The following PID1 variants were observed in gnomAD, a reference collection of about 807,000 sequenced individuals.
PID1 encodes the protein PTB-containing, cubilin and LRP1-interacting protein.
PID1 carries 10 observed loss-of-function variants against 19.1 expected under a neutral mutation model. The ratio of observed to expected loss-of-function variants is 0.52; its 90% confidence interval spans 0.32 to 0.89. The LOEUF is 0.89. PID1 is among the 40% of genes least tolerant of loss of function. The pLI is 0.03. For missense variants in PID1, 248 were observed against 285.3 expected (o/e 0.87, Z 0.94); for synonymous variants, 130 against 116.0 (o/e 1.12, Z -0.78).
At chr2:229,221,297 C>T (rs1405299950) in intron 1 of PID1, among the ~76,000 whole-genome samples, 1 of 152,152 alleles carries the variant, frequency 6.6e-6, no homozygotes, top group African/African-American at 2.4e-5. Flanking sequence ...AGCCATGTAT[C>T]TACTGCATCA....
Position 229,169,149 on chromosome 2 carries a change from C to A in PID1, c.31-13185G>T, listed in dbSNP as rs192677303. On this transcript the variant is annotated intron_variant, in intron 1 of 2. Transcript: ENST00000392055. ...CTCCCAGTGGTTCTACACTCTCATG[C>A]TAGCCCACAATTGACTTTTAAAAAT... 3.3e-5 allele frequency among the ~76,000 whole-genome samples: 5 copies of A among 152,276 alleles called. 1 individual carries two copies. The highest frequency in any genetic ancestry group is 3.3e-4 in the Admixed American group (5 of 15,294).
intron 1 of PID1, among the ~76,000 whole-genome samples, chr2:229,176,177 A>G (rs1690819418): frequency 6.6e-6 from 1 of 152,038 alleles, no homozygotes; most frequent in African/African-American, 2.4e-5. Context: ...AAAAAACAAA[A>G]CAAAACAAAA....
chr2:229,075,371 T>C (rs1011910997), intron 2 of PID1, among the ~76,000 whole-genome samples: 1 of 152,184 alleles, frequency 6.6e-6, no homozygotes, highest in Non-Finnish European at 1.5e-5. Flanking sequence ...AATATACTGG[T>C]ATACATAATT....
chr2:229,260,463 C>CATATATAT (rs3084671), intron 1 of PID1, among the ~76,000 whole-genome samples: 2 of 147,908 alleles, frequency 1.4e-5, no homozygotes, highest in Admixed American at 6.8e-5. Flanking sequence ...TAAAAAGTTG[C>CATATATAT]ATATATATAT....
chr2:229,048,744 C>T (rs566686179), intron 2 of PID1, among the ~76,000 whole-genome samples: 2 of 152,078 alleles, frequency 1.3e-5, no homozygotes, highest in South Asian at 4.2e-4. Context: ...TTACTTTGTG[C>T]CTTGTTTTTC....
intron 1 of PID1, among the ~76,000 whole-genome samples, chr2:229,219,337 CCTT>C (rs1691914722): frequency 6.6e-6 from 1 of 152,112 alleles, no homozygotes; most frequent in Admixed American, 6.6e-5. Flanking sequence ...GCAAACATGT[CCTT>C]CTTCACATGG....
At chr2:229,238,917 C>T (rs1439772195) in intron 1 of PID1, among the ~76,000 whole-genome samples, 2 of 151,924 alleles carry the variant, frequency 1.3e-5, no homozygotes, top group Non-Finnish European at 2.9e-5. Context: ...TAGTAATGAC[C>T]TCAAGAATAT....
chr2:229,027,735 A>C (rs1280242365), intron 2 of PID1, among the ~76,000 whole-genome samples: 2 of 152,224 alleles, frequency 1.3e-5, no homozygotes, highest in Non-Finnish European at 2.9e-5. Flanking sequence ...AGTCTCAATC[A>C]GCTTGGACAA....
rs151002937 is a variant in PID1 at position 229,210,227 on chromosome 2, G to A, written c.31-54263C>T. ...AGGAGGTGACACAAAAACCTAGAAGGCAAGGCCGGGCATGGCGGCTCGCGC... is the reference window on the plus strand; with the variant it reads ...AGGAGGTGACACAAAAACCTAGAAGACAAGGCCGGGCATGGCGGCTCGCGC... On this transcript the variant is annotated intron_variant, in intron 1 of 2. Coordinates refer to ENST00000392055, the MANE Select transcript of PID1 (RefSeq NM_001100818.2). 6.7e-3 allele frequency among the ~76,000 whole-genome samples: 1,016 copies of A among 151,808 alleles called. 11 individuals carry two copies. The highest frequency in any genetic ancestry group is 0.023 in the African/African-American group (968 of 41,468).
At chr2:229,213,270 G>C (rs149498210) in intron 1 of PID1, among the ~76,000 whole-genome samples, 1 of 152,168 alleles carries the variant, frequency 6.6e-6, no homozygotes, top group East Asian at 1.9e-4. Flanking sequence ...CCAGCACACA[G>C]AGGACAGCCC....
intron 2 of PID1, among the ~76,000 whole-genome samples, chr2:229,147,877 C>T (rs1412365760): frequency 2.6e-5 from 4 of 152,176 alleles, no homozygotes; most frequent in East Asian, 3.9e-4. Context: ...CCACGATTTA[C>T]AGCTATAGCC....
intron 2 of PID1, among the ~76,000 whole-genome samples, chr2:229,124,859 A>G (rs1040437853): frequency 6.6e-6 from 1 of 152,204 alleles, no homozygotes; most frequent in Non-Finnish European, 1.5e-5. Context: ...CTTAACCAGC[A>G]AAAGAATCTT....
intron 2 of PID1, among the ~76,000 whole-genome samples, chr2:229,033,850 T>C (rs1311334094): frequency 1.3e-5 from 2 of 152,194 alleles, no homozygotes; most frequent in Non-Finnish European, 2.9e-5. Flanking sequence ...AAGCTGCTCT[T>C]AACCCTGGGC....
At chr2:229,264,506 T>C (rs1377989242) in intron 1 of PID1, among the ~76,000 whole-genome samples, 2 of 152,064 alleles carry the variant, frequency 1.3e-5, no homozygotes, top group Non-Finnish European at 2.9e-5. Context: ...AGCTCACCCA[T>C]ACCCTAACAC....
chr2:229,144,928 T>C (rs1690094780), intron 2 of PID1, among the ~76,000 whole-genome samples: 1 of 151,870 alleles, frequency 6.6e-6, no homozygotes, highest in Non-Finnish European at 1.5e-5. Flanking sequence ...ACAAGGAAAG[T>C]CTAGGTTTAT....
chr2:229,072,817 G>T (rs1326915429), intron 2 of PID1, among the ~76,000 whole-genome samples: 2 of 152,154 alleles, frequency 1.3e-5, no homozygotes, highest in Non-Finnish European at 2.9e-5. Context: ...TAATCAGTGG[G>T]AAAGATCATA....
At chr2:229,143,803 T>G (rs899717646) in intron 2 of PID1, among the ~76,000 whole-genome samples, 1 of 152,110 alleles carries the variant, frequency 6.6e-6, no homozygotes, top group East Asian at 1.9e-4. Flanking sequence ...CCTGCTGCTA[T>G]GTAAAATGTG....
chr2:229,098,753 G>A (rs1490623700), intron 2 of PID1, among the ~76,000 whole-genome samples: 1 of 152,136 alleles, frequency 6.6e-6, no homozygotes, highest in Non-Finnish European at 1.5e-5. Context: ...TTCTTTCTGA[G>A]ACAGCAACTC....
chr2:229,031,215 C>CAAAAAAAAAAAAAAA (rs3083804), intron 2 of PID1, among the ~76,000 whole-genome samples: 3 of 68,422 alleles, frequency 4.4e-5, no homozygotes, highest in African/African-American at 1.3e-4. Flanking sequence ...GACTCTGTCT[C>CAAAAAAAAAAAAAAA]AAAAAAAAAA....
Sources: allele counts gnomAD v4.1 joint callset (sites outside exome capture counted in the v4.1 genomes callset), GRCh38; gene constraint gnomAD v4.1.1; transcripts MANE v1.5; gene names NCBI Gene and HGNC (gene_info 2026-07-23, HGNC 2026-07-21).